Variants in KIAA1671 observed in about 807,000 individuals in gnomAD.
KIAA1671 encodes the protein uncharacterized protein KIAA1671.
Under a neutral mutation model 131.2 loss-of-function variants are expected in KIAA1671, and 52 were observed. The ratio of observed to expected loss-of-function variants is 0.40; its 90% confidence interval spans 0.32 to 0.50. KIAA1671 has a LOEUF of 0.50. Ranked by LOEUF, KIAA1671 falls within the 20% of genes least tolerant of loss-of-function variation. The pLI is 0.73. For synonymous variants in KIAA1671, 1,003 were observed against 961.6 expected (o/e 1.04, Z -0.80); for missense variants, 2,360 against 2,364.2 (o/e 1.00, Z 0.04).
chr22:25,032,652 A>G lies in KIAA1671; in HGVS notation c.1585A>G (p.Ser529Gly). The change falls in exon 4 of 13, where the codon AGT (serine) becomes GGT (glycine). Residue 529 changes from serine (S) to glycine (G), a missense_variant. By Grantham distance (56) the Ser-to-Gly change is moderately conservative. Coordinates refer to ENST00000358431, the MANE Select transcript of KIAA1671 (RefSeq NM_001145206.2). The stretch of plus-strand genomic sequence containing the variant: ...CAGCAACGAAGTCAAATATGAGAAG[A>G]GTGCTGAGCTGAGCGGCGAGTTTCC... The part of the protein sequence containing the change: ...ASSNEVKYEK[S>G]AELSGEFPKE... 4 of 1,547,028 alleles carry G rather than the reference A, an allele frequency of 2.6e-6. No individual in the cohort carries two copies. Among genetic ancestry groups the G allele is most frequent in the Non-Finnish European group, 3.5e-6 (4 of 1,143,274 alleles).
intron 1 of KIAA1671, among the ~76,000 whole-genome samples, chr22:25,019,908 C>T (rs1055124329): frequency 2.6e-5 from 4 of 152,166 alleles, no homozygotes; most frequent in African/African-American, 9.7e-5. Context: ...CAGGTTGCAG[C>T]TTTTGTGACA....
intron 6 of KIAA1671, among the ~76,000 whole-genome samples, chr22:25,107,333 C>T (rs551421494): frequency 2.0e-5 from 3 of 152,048 alleles, no homozygotes; most frequent in Admixed American, 6.5e-5. Context: ...AGGAGAATGG[C>T]GTGAACCCAG....
At chr22:25,183,870 C>T (rs1454300252) in intron 10 of KIAA1671, among the ~76,000 whole-genome samples, 3 of 141,850 alleles carry the variant, frequency 2.1e-5, no homozygotes, top group Non-Finnish European at 3.1e-5. Flanking sequence ...CCCTCATTTT[C>T]TTTCTTGCCA....
intron 6 of KIAA1671, chr22:25,062,016 A>G (rs1487228535): frequency 1.6e-5 from 2 of 127,356 alleles, no homozygotes; most frequent in East Asian, 2.3e-4. Context: ...TTCCATTTTT[A>G]TCTCTTCCTC....
intron 6 of KIAA1671, among the ~76,000 whole-genome samples, chr22:25,132,471 A>G (rs1438951042): frequency 6.6e-6 from 1 of 152,186 alleles, no homozygotes; most frequent in Non-Finnish European, 1.5e-5. Flanking sequence ...TTACCTCCTG[A>G]GCGACCCGGG....
At chr22:25,137,574 CT>C (rs1932732359) in intron 6 of KIAA1671, among the ~76,000 whole-genome samples, 1 of 152,230 alleles carries the variant, frequency 6.6e-6, no homozygotes, top group African/African-American at 2.4e-5. Context: ...TAAAGAGGCA[CT>C]TTTGTATACC....
chr22:25,185,462 C>T (rs1934444757), intron 11 of KIAA1671: 1 of 246,698 alleles, frequency 4.1e-6, no homozygotes, highest in Admixed American at 4.9e-5. Context: ...CCCTCCTCTT[C>T]CCCTTTGGGG....
In KIAA1671 at chr22:25,029,272, G is replaced by T; in HGVS notation, c.1273G>T (p.Ala425Ser). 8 of 1,503,434 alleles carry T rather than the reference G, an allele frequency of 5.3e-6. No individual in the cohort carries two copies. The highest frequency in any genetic ancestry group is 7.1e-6 in the Non-Finnish European group (8 of 1,120,674). The allele number at this position is 1,503,434 out of a possible 1,614,324, so 93.1% of individuals were successfully genotyped here. A position where few individuals can be genotyped will look rare whatever the true frequency, so the allele number is the denominator to read the frequency against. The change falls in exon 3 of 13, where the codon GCC becomes TCC. Residue 425 changes from alanine to serine, a missense_variant. Around this residue, in one of 3 missense-constraint regions of KIAA1671, gnomAD observed 1,185 missense variants for 1,126.2 expected, o/e 1.05. Transcript: ENST00000358431. The part of the protein sequence containing the change: ...EVKSRVADGE[A>S]AAGGEWASRR... ...TAAGAGCAGAGTGGCGGATGGGGAG[G>T]CCGCGGCAGGGGGAGAGTGGGCCTC...
At chr22:25,085,775 AAGGGAGGAAGGGAGGG>A (rs909648807) in intron 6 of KIAA1671, among the ~76,000 whole-genome samples, 7 of 86,768 alleles carry the variant, frequency 8.1e-5, no homozygotes, top group African/African-American at 4.1e-4. Flanking sequence ...TGAAGGAAGG[AAGGGAGGAAGGGAGGG>A]AGGGAGGGAG....
chr22:25,144,763 G>A (rs1467544705), intron 6 of KIAA1671, among the ~76,000 whole-genome samples: 1 of 152,168 alleles, frequency 6.6e-6, no homozygotes, highest in Non-Finnish European at 1.5e-5. Context: ...GGCATAGAAA[G>A]GGAGGGACTT....
At chr22:24,966,325 A>G (rs1378165307) in intron 1 of KIAA1671, among the ~76,000 whole-genome samples, 1 of 152,222 alleles carries the variant, frequency 6.6e-6, no homozygotes, top group Non-Finnish European at 1.5e-5. Flanking sequence ...GCCTCCCTGC[A>G]GAAGGGGAGC....
At chr22:25,095,109 C>T (rs1930331215) in intron 6 of KIAA1671, among the ~76,000 whole-genome samples, 1 of 152,166 alleles carries the variant, frequency 6.6e-6, no homozygotes, top group Admixed American at 6.5e-5. Context: ...GTCCAGGCCT[C>T]ATGCAGTCAT....
intron 1 of KIAA1671, among the ~76,000 whole-genome samples, chr22:24,980,376 A>T (rs1332117444): frequency 6.6e-6 from 1 of 151,386 alleles, no homozygotes; most frequent in Admixed American, 6.6e-5. Flanking sequence ...GATTCAAGCA[A>T]TTCTCCTGCC....
intron 1 of KIAA1671, chr22:25,013,223 G>A (rs1038934225): frequency 6.6e-6 from 1 of 152,244 alleles, no homozygotes; most frequent in East Asian, 1.9e-4. Context: ...TAAAAGGATG[G>A]GTGGGAATCA....
rs1386331077 is a variant in KIAA1671 at position 25,114,135 on chromosome 22, G to A, written c.4531-56685G>A. ...GCAGAGAACCATTCCGTGTTGCGTC[G>A]AGATGCCACCAAGAGTGTAAATACA... On this transcript the variant is annotated intron_variant, in intron 6 of 12. Coordinates refer to ENST00000358431, the MANE Select transcript of KIAA1671 (RefSeq NM_001145206.2). Among the ~76,000 whole-genome samples the A allele has an allele frequency of 3.3e-5, 5 of 152,144 alleles. No homozygotes were observed. In the East Asian group the frequency reaches 7.7e-4, roughly 24 times the overall value.
chr22:24,973,542 T>C (rs5752031), intron 1 of KIAA1671, among the ~76,000 whole-genome samples: 63,052 of 150,894 alleles, frequency 0.42, 15,089 homozygotes, highest in East Asian at 0.75. Context: ...TACAGGCATG[T>C]GCCACCATGC....
intron 5 of KIAA1671, among the ~76,000 whole-genome samples, chr22:25,045,475 T>A (rs1002618069): frequency 5.3e-4 from 80 of 152,314 alleles, no homozygotes; most frequent in African/African-American, 1.9e-3. Context: ...AGTTTGTAGG[T>A]TGAGGAACCC....
At chr22:24,987,690 T>C (rs1375483250) in intron 1 of KIAA1671, among the ~76,000 whole-genome samples, 1 of 152,104 alleles carries the variant, frequency 6.6e-6, no homozygotes, top group African/African-American at 2.4e-5. Flanking sequence ...AGCCTGGCCC[T>C]AAGCAATGCT....
chr22:25,086,744 T>A (rs1329604349), intron 6 of KIAA1671, among the ~76,000 whole-genome samples: 3 of 152,164 alleles, frequency 2.0e-5, no homozygotes, highest in Non-Finnish European at 4.4e-5. Context: ...TTCCATATTT[T>A]CTCCACACCA....
Sources: gnomAD v4.1 joint callset for allele counts (sites outside exome capture counted in the v4.1 genomes callset) on GRCh38, gnomAD v4.1.1 for gene constraint, gnomAD v4.1.1 regional missense constraint, MANE v1.5 for transcripts, NCBI Gene and HGNC (gene_info 2026-07-23, HGNC 2026-07-21) for gene names.